The following SGCZ variants were observed in gnomAD, a reference collection of about 807,000 sequenced individuals.
SGCZ encodes the protein zeta-sarcoglycan.
A neutral mutation model predicts 41.3 loss-of-function variants in SGCZ; 40 were observed. That is an observed-to-expected ratio of 0.97 (90% confidence interval 0.75 to 1.26). The LOEUF (loss-of-function observed/expected upper bound fraction) is 1.26, where lower values mean the gene tolerates loss of function less well. SGCZ is among the 50% of genes most tolerant of loss of function. The pLI is 0.00. For synonymous variants in SGCZ, 206 were observed against 137.5 expected, an observed-to-expected ratio of 1.50 and a Z score of -3.49; for missense variants, 552 against 369.8, an observed-to-expected ratio of 1.49 and a Z score of -4.04.
At chr8:14,271,854 G>A (rs1442739596) in intron 3 of SGCZ, among the ~76,000 whole-genome samples, 1 of 152,080 alleles carries the variant, frequency 6.6e-6, no homozygotes, top group Non-Finnish European at 1.5e-5. Context: ...CTCGATCTCA[G>A]CTTTACATCT....
intron 1 of SGCZ, among the ~76,000 whole-genome samples, chr8:15,011,478 A>C (rs1443225516): frequency 6.6e-6 from 1 of 152,242 alleles, no homozygotes; most frequent in Non-Finnish European, 1.5e-5. Context: ...GATTTTATAA[A>C]CATGTTAATA....
intron 1 of SGCZ, among the ~76,000 whole-genome samples, chr8:15,112,907 G>T (rs1054551405): frequency 6.6e-6 from 1 of 152,122 alleles, no homozygotes; most frequent in African/African-American, 2.4e-5. Context: ...GTCATGCGTT[G>T]TGTGGGTAGT....
At chr8:14,872,271 A>T (rs1804188119) in intron 1 of SGCZ, among the ~76,000 whole-genome samples, 1 of 152,146 alleles carries the variant, frequency 6.6e-6, no homozygotes, top group African/African-American at 2.4e-5. Flanking sequence ...TACCTATGTA[A>T]CAAACCTGCA....
At chr8:14,899,196 C>T (rs1208636700) in intron 1 of SGCZ, among the ~76,000 whole-genome samples, 4 of 152,120 alleles carry the variant, frequency 2.6e-5, no homozygotes, top group African/African-American at 7.2e-5. Context: ...TTAGGAAAAA[C>T]TGTGGGTGAA....
intron 1 of SGCZ, among the ~76,000 whole-genome samples, chr8:15,182,708 C>G (rs1563170367): frequency 1.3e-5 from 2 of 152,204 alleles, no homozygotes; most frequent in Middle Eastern, 3.4e-3. Flanking sequence ...CCACCGTAGA[C>G]TTTATAAACT....
intron 1 of SGCZ, among the ~76,000 whole-genome samples, chr8:15,195,101 T>C (rs955453274): frequency 6.6e-6 from 1 of 152,186 alleles, no homozygotes; most frequent in East Asian, 1.9e-4. Context: ...ATTTAGTTTT[T>C]TCTGATGAAC....
At chr8:14,497,077 G>T (rs1265758504) in intron 2 of SGCZ, among the ~76,000 whole-genome samples, 1 of 152,158 alleles carries the variant, frequency 6.6e-6, no homozygotes, top group Non-Finnish European at 1.5e-5. Flanking sequence ...TCTGTAAATA[G>T]CCTCCTTATG....
chr8:14,524,859 T>G (rs1802892077), intron 2 of SGCZ, among the ~76,000 whole-genome samples: 1 of 152,104 alleles, frequency 6.6e-6, no homozygotes, highest in African/African-American at 2.4e-5. Context: ...AACTGTAGCA[T>G]GTCTGAAAGT....
At chr8:14,324,571 T>C (rs1802030256) in intron 2 of SGCZ, among the ~76,000 whole-genome samples, 1 of 152,164 alleles carries the variant, frequency 6.6e-6, no homozygotes, top group African/African-American at 2.4e-5. Flanking sequence ...AGAAATCTAG[T>C]AATATTTTTA....
At chr8:14,485,852 T>TTTTTTTTTTTTTA (rs1801657703) in intron 2 of SGCZ, among the ~76,000 whole-genome samples, 1 of 133,812 alleles carries the variant, frequency 7.5e-6, no homozygotes, top group Non-Finnish European at 1.6e-5. Flanking sequence ...TTTTTTTTTT[T>TTTTTTTTTTTTTA]GAGACGGAGT....
chr8:14,891,328 C>G (rs745607873), intron 1 of SGCZ, among the ~76,000 whole-genome samples: 16 of 152,178 alleles, frequency 1.1e-4, no homozygotes, highest in African/African-American at 3.9e-4. Context: ...GAAACATTAA[C>G]AGAAGTTTGA....
At chr8:15,051,257 G>A (rs1172660182) in intron 1 of SGCZ, among the ~76,000 whole-genome samples, 3 of 152,156 alleles carry the variant, frequency 2.0e-5, no homozygotes, top group Admixed American at 1.3e-4. Context: ...ACATGGGGAG[G>A]AGGCTAAAGA....
At chr8:14,288,413 A>G (rs972498759) in intron 3 of SGCZ, among the ~76,000 whole-genome samples, 8 of 152,108 alleles carry the variant, frequency 5.3e-5, no homozygotes, top group African/African-American at 1.9e-4. Context: ...GATATCTTGT[A>G]TCTTTTAATC....
At chr8:14,270,227 G>A (rs943268227) in intron 3 of SGCZ, among the ~76,000 whole-genome samples, 2 of 152,012 alleles carry the variant, frequency 1.3e-5, no homozygotes, top group Non-Finnish European at 2.9e-5. Context: ...AGCTACTAGG[G>A]AGGCTGAGGC....
intron 1 of SGCZ, among the ~76,000 whole-genome samples, chr8:14,684,788 A>G (rs77299520): frequency 6.6e-6 from 1 of 152,068 alleles, no homozygotes; most frequent in Admixed American, 6.6e-5. Context: ...TCAAAAAAAA[A>G]TCTACAATGC....
intron 1 of SGCZ, among the ~76,000 whole-genome samples, chr8:15,005,639 A>AT (rs10688133): frequency 0.069 from 9,811 of 143,162 alleles, 492 homozygotes; most frequent in East Asian, 0.19. Context: ...GCAATCCCCC[A>AT]TTTTTTTTCT....
At chr8:14,332,646 G>A (rs1316964406) in intron 2 of SGCZ, 2 of 151,482 alleles carry the variant, frequency 1.3e-5, no homozygotes, top group African/African-American at 2.4e-5. Context: ...TCTCACTACG[G>A]TACTTGAATA....
intron 2 of SGCZ, among the ~76,000 whole-genome samples, chr8:14,464,763 ATTCT>A (rs1373376233): frequency 5.3e-5 from 8 of 151,488 alleles, no homozygotes; most frequent in Admixed American, 5.3e-4. Context: ...ATTTTGGTGT[ATTCT>A]TTAAGTTTTG....
chr8:14,279,210 G>A (rs957587217), intron 3 of SGCZ, among the ~76,000 whole-genome samples: 1 of 151,970 alleles, frequency 6.6e-6, no homozygotes, highest in Admixed American at 6.6e-5. Context: ...GGGAAAAGTA[G>A]AGTTTACTTT....
Sources: allele counts gnomAD v4.1 joint callset (sites outside exome capture counted in the v4.1 genomes callset), GRCh38; gene constraint gnomAD v4.1.1; transcripts MANE v1.5; gene names NCBI Gene and HGNC (gene_info 2026-07-23, HGNC 2026-07-21).